INSR: variants seen among roughly 807,000 people sequenced by gnomAD.
INSR encodes the protein insulin receptor, also known as IR.
Under a neutral mutation model 142.6 loss-of-function variants are expected in INSR, and 67 were observed. The ratio of observed to expected loss-of-function variants is 0.47; its 90% confidence interval spans 0.39 to 0.58. The LOEUF (loss-of-function observed/expected upper bound fraction) is 0.58. Ranked by LOEUF, INSR falls within the 20% of genes least tolerant of loss-of-function variation. The pLI, the probability that INSR is intolerant of heterozygous loss-of-function variation, is 0.00. For synonymous variants in INSR, 756 were observed against 743.1 expected (o/e 1.02, Z -0.28); for missense variants, 1,248 against 1,833.2 (o/e 0.68, Z 5.83).
Position 7,192,198 on chromosome 19 carries a change from AAAAG to A in INSR, c.653-7565_653-7562del, listed in dbSNP as rs951195550. ...AGAGAAAGAAAAGAAAAAAGAAAGA[AAAAG>A]AAAGAAAGGAGAAAGAAAAGAAAGA... On this transcript the variant is annotated intron_variant, in intron 2 of 21. Coordinates refer to ENST00000302850, the MANE Select transcript of INSR (RefSeq NM_000208.4). The surrounding 1 kb of genome is among the most constrained non-coding windows in gnomAD (Gnocchi z 4.2). Among the ~76,000 whole-genome samples, 10 of 150,140 alleles carry A rather than the reference AAAAG, an allele frequency of 6.7e-5. No homozygotes were observed. The highest frequency in any genetic ancestry group is 2.2e-4 in the African/African-American group (9 of 41,108).
chr19:7,211,519 C>T (rs1032873365), intron 2 of INSR, among the ~76,000 whole-genome samples: 17 of 152,200 alleles, frequency 1.1e-4, no homozygotes, highest in African/African-American at 1.7e-4. Context: ...GCATTCTTAA[C>T]GACCTGGGCC....
At chr19:7,247,094 G>T (rs1230674421) in intron 2 of INSR, among the ~76,000 whole-genome samples, 1 of 152,204 alleles carries the variant, frequency 6.6e-6, no homozygotes, top group Non-Finnish European at 1.5e-5. Flanking sequence ...TGTTGCCCCA[G>T]TTAACACACT....
Position 7,294,012 on chromosome 19 carries a change from C to G in INSR, c.-121G>C. On this transcript the variant is annotated 5_prime_UTR_variant, in exon 1 of 22. Transcript: ENST00000302850. ...CGCGCGTCCTTCTCTTCCACGCCCG[C>G]GACCCGCGGGCCGCAGCCCCCCTGC... 1.9e-6 allele frequency: 2 copies of G among 1,052,452 alleles called. No homozygotes were observed. Among genetic ancestry groups the G allele is most frequent in the Non-Finnish European group, 2.3e-6 (2 of 860,042 alleles). 65.2% of individuals were successfully genotyped at this position (1,052,452 alleles called of 1,614,324 possible).
At chr19:7,255,874 C>T (rs539907283) in intron 2 of INSR, among the ~76,000 whole-genome samples, 3 of 152,116 alleles carry the variant, frequency 2.0e-5, no homozygotes, top group African/African-American at 7.2e-5. Context: ...CCACCACACC[C>T]AACCTCATCT....
At chr19:7,249,949 A>G (rs1454086195) in intron 2 of INSR, among the ~76,000 whole-genome samples, 1 of 151,806 alleles carries the variant, frequency 6.6e-6, no homozygotes, top group Non-Finnish European at 1.5e-5. Context: ...CTGAGATCGC[A>G]CCACTGCACT....
intron 3 of INSR, among the ~76,000 whole-genome samples, chr19:7,176,528 G>C (rs1006354177): frequency 2.0e-5 from 3 of 152,200 alleles, no homozygotes; most frequent in Non-Finnish European, 4.4e-5. Context: ...TTGAACTCAG[G>C]AGGTGGAGGC....
At chr19:7,164,424 C>T (rs1295550993) in intron 8 of INSR, among the ~76,000 whole-genome samples, 2 of 152,130 alleles carry the variant, frequency 1.3e-5, no homozygotes, top group African/African-American at 2.4e-5. Context: ...TGGCTCATGC[C>T]TGTAATCCCA....
chr19:7,249,190 G>C (rs972683909), intron 2 of INSR, among the ~76,000 whole-genome samples: 1 of 151,612 alleles, frequency 6.6e-6, no homozygotes, highest in African/African-American at 2.4e-5. Context: ...TCCTTCCCTG[G>C]GAACCTCTTT....
chr19:7,167,028 T>C (rs957503982), intron 7 of INSR, among the ~76,000 whole-genome samples: 5 of 152,244 alleles, frequency 3.3e-5, no homozygotes, highest in Non-Finnish European at 5.9e-5. Flanking sequence ...TAATTTGCAT[T>C]GTACTGGTTC....
chr19:7,269,376 A>AACACACACACAC (rs60776874), intron 1 of INSR, among the ~76,000 whole-genome samples: 2 of 134,686 alleles, frequency 1.5e-5, no homozygotes, highest in African/African-American at 5.6e-5. Context: ...AAGTCGAGAA[A>AACACACACACAC]ACACACACAC....
intron 3 of INSR, among the ~76,000 whole-genome samples, chr19:7,175,869 C>A (rs1052230617): frequency 3.3e-5 from 5 of 151,854 alleles, no homozygotes; most frequent in Admixed American, 1.3e-4. Context: ...TGCCAAAAGT[C>A]CCCTGGGGAG....
At chr19:7,270,961 CCG>C (rs1487591134) in intron 1 of INSR, among the ~76,000 whole-genome samples, 1 of 151,522 alleles carries the variant, frequency 6.6e-6, no homozygotes, top group East Asian at 1.9e-4. Flanking sequence ...ATTTGGGAGG[CCG>C]AGGCAGGAGA....
chr19:7,160,016 G>A (rs1020553662), intron 9 of INSR, among the ~76,000 whole-genome samples: 3 of 152,094 alleles, frequency 2.0e-5, no homozygotes, highest in Non-Finnish European at 4.4e-5. Flanking sequence ...AGAAGGAAAT[G>A]GGCCCAGCGC....
At position 7,123,008 on chromosome 19, in the gene INSR, G is replaced by C. The variant is rs774240618; in HGVS notation, c.3259-19C>G. ...GGCGCACCTGCAGAGCAAGCAACCAGGGTTCTTGGAGGAGGGTCCGTGATT... is the reference window on the plus strand; with the variant it reads ...GGCGCACCTGCAGAGCAAGCAACCACGGTTCTTGGAGGAGGGTCCGTGATT... On this transcript the variant is annotated intron_variant, in intron 17 of 21. Coordinates refer to ENST00000302850, the MANE Select transcript of INSR (RefSeq NM_000208.4). 3 of 1,565,268 alleles carry C rather than the reference G, an allele frequency of 1.9e-6. No homozygotes were observed. Among genetic ancestry groups the C allele is most frequent in the African/African-American group, 1.4e-5 (1 of 73,708 alleles).
intron 8 of INSR, among the ~76,000 whole-genome samples, chr19:7,165,701 A>G (rs1973872719): frequency 6.6e-6 from 1 of 151,924 alleles, no homozygotes; most frequent in Non-Finnish European, 1.5e-5. Context: ...TGTCTCTACA[A>G]GAAATACAAA....
At chr19:7,172,544 C>T in intron 4 of INSR, 110 bp from the exon 5 acceptor site, 1 of 1,139,730 alleles carries the variant, frequency 8.8e-7, no homozygotes, top group South Asian at 1.2e-5. Context: ...TGGACATACC[C>T]AGCTCAAAAC....
intron 12 of INSR, 67 bp from the exon 13 acceptor site, chr19:7,141,883 C>G (rs1415070085): frequency 7.5e-7 from 1 of 1,331,372 alleles, no homozygotes; most frequent in South Asian, 1.2e-5. Context: ...TGCCACCTGT[C>G]CATGGTGCAA....
chr19:7,171,402 G>C (rs1974012901), intron 5 of INSR, among the ~76,000 whole-genome samples: 1 of 152,094 alleles, frequency 6.6e-6, no homozygotes, highest in Admixed American at 6.6e-5. Flanking sequence ...CAGATGTGAG[G>C]CTGGGGCTGA....
rs763176161 is a variant in INSR at position 7,142,994 on chromosome 19, C to A, written c.2364G>T (p.Val788=). The A allele has an allele frequency of 6.2e-7, 1 of 1,614,194 alleles. No individual in the cohort carries two copies. Among genetic ancestry groups the A allele is most frequent in the Non-Finnish European group, 8.5e-7 (1 of 1,180,032 alleles). The part of the protein sequence containing the change: ...AAFPNTSSTS[V]PTSPEEHRPF... Reference sequence around the variant, plus strand: ...GCCTGTGCTCCTCCGGACTCGTGGGCACGCTGGTCGAGGAAGTGTTGGGGA... The same window carrying A: ...GCCTGTGCTCCTCCGGACTCGTGGGAACGCTGGTCGAGGAAGTGTTGGGGA... Residue 788 remains valine (V), a synonymous_variant, in exon 12 of 22, where the codon GTG becomes GTT. Coordinates refer to ENST00000302850, the MANE Select transcript of INSR (RefSeq NM_000208.4).
Sources: allele counts gnomAD v4.1 joint callset (sites outside exome capture counted in the v4.1 genomes callset), GRCh38; gene constraint gnomAD v4.1.1; non-coding constraint Gnocchi (gnomAD v3.1); transcripts MANE v1.5; gene names NCBI Gene and HGNC (gene_info 2026-07-23, HGNC 2026-07-21).